The following FARS2 variants were observed in gnomAD, a reference collection of about 807,000 sequenced individuals.
The protein encoded by FARS2 is phenylalanine--tRNA ligase, mitochondrial.
In FARS2, 40 loss-of-function variants were observed where a neutral mutation model predicts 46.4. That is an observed-to-expected ratio of 0.86 (90% CI 0.67 to 1.12). The LOEUF (loss-of-function observed/expected upper bound fraction) is 1.12, where lower values mean the gene tolerates loss of function less well. FARS2 is among the 50% of genes most tolerant of loss of function. The probability of loss-of-function intolerance (pLI) is 0.00; values close to 1 mark genes in which losing one functional copy is unlikely to be tolerated. For missense variants in FARS2, 513 were observed against 567.9 expected, an observed-to-expected ratio of 0.90 and a Z score of 0.98; for synonymous variants, 234 against 214.9, an observed-to-expected ratio of 1.09 and a Z score of -0.78.
At chr6:5,705,890 C>T (rs975795366) in intron 6 of FARS2, among the ~76,000 whole-genome samples, 2 of 152,176 alleles carry the variant, frequency 1.3e-5, no homozygotes, top group Non-Finnish European at 2.9e-5. Context: ...CTCGCTGCCT[C>T]CTCTGAACCT....
chr6:5,511,648 A>G (rs55637366), intron 4 of FARS2, among the ~76,000 whole-genome samples: 5,740 of 152,296 alleles, frequency 0.038, 177 homozygotes, highest in African/African-American at 0.081. Context: ...CAGGTAATGT[A>G]TTAGGAGGGC....
intron 5 of FARS2, among the ~76,000 whole-genome samples, chr6:5,551,386 C>A (rs1252093909): frequency 6.6e-6 from 1 of 152,132 alleles, no homozygotes; most frequent in African/African-American, 2.4e-5. Context: ...CTCTACCATG[C>A]TCCTCACTTT....
chr6:5,724,532 C>G (rs1238396589), intron 6 of FARS2, among the ~76,000 whole-genome samples: 3 of 152,196 alleles, frequency 2.0e-5, no homozygotes, highest in African/African-American at 7.2e-5. Context: ...AAAAAGAAAC[C>G]ACCACTAGTT....
intron 6 of FARS2, among the ~76,000 whole-genome samples, chr6:5,647,670 A>G (rs749593519): frequency 2.0e-5 from 3 of 152,222 alleles, no homozygotes; most frequent in Non-Finnish European, 2.9e-5. Context: ...CAAGCACCAC[A>G]CCTTGAAATC....
At chr6:5,489,324 C>G (rs1490530945) in intron 4 of FARS2, among the ~76,000 whole-genome samples, 5 of 152,064 alleles carry the variant, frequency 3.3e-5, no homozygotes, top group Admixed American at 3.3e-4. Flanking sequence ...CGTGATGGTG[C>G]ACGCCTGTAG....
rs1288709031 is a variant in FARS2, at chr6:5,368,641, C to G, written c.71C>G (p.Ser24Cys). 6.2e-7 allele frequency: 1 copy of G among 1,614,184 alleles called. No individual in the cohort carries two copies. The highest frequency in any genetic ancestry group is 1.7e-5 in the Admixed American group (1 of 60,030). Reference sequence around the variant, plus strand: ...CTGGTGAGTAAGGCCAGTCACATCTCCAGAGGCCATCAGCACCAGGCCTGG... The same window carrying G: ...CTGGTGAGTAAGGCCAGTCACATCTGCAGAGGCCATCAGCACCAGGCCTGG... Reference protein sequence around the residue: ...VYLVSKASHISRGHQHQAWGS... With the variant: ...VYLVSKASHICRGHQHQAWGS... The change falls in exon 2 of 7, where the codon TCC becomes TGC. Residue 24 changes from serine (S) to cysteine (C), a missense_variant. Physicochemically the swap from Ser to Cys is moderately radical, Grantham distance 112 (BLOSUM62 -1). Transcript: ENST00000274680.
intron 1 of FARS2, among the ~76,000 whole-genome samples, chr6:5,306,506 T>A (rs866095683): frequency 2.0e-5 from 3 of 152,266 alleles, no homozygotes; most frequent in Middle Eastern, 6.8e-3. Flanking sequence ...TACTGGGTAA[T>A]CAGGTTTGGA....
intron 5 of FARS2, among the ~76,000 whole-genome samples, chr6:5,558,873 A>G (rs1292477678): frequency 6.6e-6 from 1 of 151,976 alleles, no homozygotes; most frequent in Non-Finnish European, 1.5e-5. Context: ...ACTGTCCTTT[A>G]TGGTGAATTA....
intron 5 of FARS2, among the ~76,000 whole-genome samples, chr6:5,605,368 G>A (rs558644578): frequency 1.3e-5 from 2 of 152,270 alleles, no homozygotes; most frequent in Admixed American, 6.5e-5. Context: ...AGGGAGGCCC[G>A]AATCACTGCC....
At chr6:5,404,771 GTTTT>G in intron 3 of FARS2, 70 bp downstream of exon 3, 11 of 622,306 alleles carry the variant, frequency 1.8e-5, no homozygotes, top group South Asian at 5.2e-5. Context: ...TTGGATTTGG[GTTTT>G]TTTTTTTTTT....
chr6:5,342,406 C>G (rs1022148657), intron 1 of FARS2, among the ~76,000 whole-genome samples: 1 of 152,178 alleles, frequency 6.6e-6, no homozygotes, highest in Non-Finnish European at 1.5e-5. Context: ...AGTGCTGATA[C>G]TAACAGCCAG....
chr6:5,561,380 T>G (rs1771976083), intron 5 of FARS2, among the ~76,000 whole-genome samples: 1 of 152,104 alleles, frequency 6.6e-6, no homozygotes. Flanking sequence ...TACATTCTTT[T>G]GGTCTTTGTA....
chr6:5,315,716 C>CTCTCTCTTTCTTTCTTTCTTTCTTTCTT (rs1769423223), intron 1 of FARS2, among the ~76,000 whole-genome samples: 1 of 28,278 alleles, frequency 3.5e-5, no homozygotes, highest in African/African-American at 2.2e-4. Context: ...ATATTGATTT[C>CTCTCTCTTTCTTTCTTTCTTTCTTTCTT]TCTTTCTTTC....
chr6:5,370,313 T>C (rs917732439), intron 2 of FARS2, among the ~76,000 whole-genome samples: 2 of 151,996 alleles, frequency 1.3e-5, no homozygotes, highest in Admixed American at 6.6e-5. Context: ...AATACAGTAA[T>C]AGCTTAGCCT....
chr6:5,674,816 T>A (rs148140866), intron 6 of FARS2, among the ~76,000 whole-genome samples: 55 of 152,334 alleles, frequency 3.6e-4, no homozygotes, highest in Non-Finnish European at 6.3e-4. Flanking sequence ...CTTCCATATT[T>A]GGAACTGTGG....
intron 4 of FARS2, among the ~76,000 whole-genome samples, chr6:5,509,651 T>G (rs541065901): frequency 6.6e-6 from 1 of 152,218 alleles, no homozygotes; most frequent in Admixed American, 6.5e-5. Context: ...GTCCAGAGGG[T>G]GGTCCATCTA....
chr6:5,413,965 C>T (rs986921345), intron 3 of FARS2, among the ~76,000 whole-genome samples: 2 of 152,144 alleles, frequency 1.3e-5, no homozygotes, highest in Non-Finnish European at 1.5e-5. Flanking sequence ...ACCAGCCCAT[C>T]GGTTTCTCTA....
At chr6:5,681,587 G>C (rs914276260) in intron 6 of FARS2, among the ~76,000 whole-genome samples, 1 of 152,226 alleles carries the variant, frequency 6.6e-6, no homozygotes, top group Non-Finnish European at 1.5e-5. Context: ...TCACTCCTTT[G>C]CAGCAGCTTA....
chr6:5,365,543 G>A (rs1171452484), intron 1 of FARS2, among the ~76,000 whole-genome samples: 1 of 144,168 alleles, frequency 6.9e-6, no homozygotes, highest in Non-Finnish European at 1.5e-5. Context: ...GTAGAGATAG[G>A]GTCTTGTCAT....
Sources: gnomAD v4.1 joint callset for allele counts (sites outside exome capture counted in the v4.1 genomes callset) on GRCh38, gnomAD v4.1.1 for gene constraint, MANE v1.5 for transcripts, NCBI Gene and HGNC (gene_info 2026-07-23, HGNC 2026-07-21) for gene names.